The following MCU variants were observed in gnomAD, a reference collection of about 807,000 sequenced individuals.
MCU encodes the protein calcium uniporter protein, mitochondrial.
A neutral mutation model predicts 45.2 loss-of-function variants in MCU; 12 were observed. The ratio of observed to expected loss-of-function variants is 0.27; its 90% CI spans 0.17 to 0.43. The LOEUF is 0.43. Among genes scored for constraint, MCU ranks in the 20% least tolerant of loss-of-function variants. The pLI is 1.00. For missense variants in MCU, 324 were observed against 436.7 expected, an observed-to-expected ratio of 0.74 and a Z score of 2.30; for synonymous variants, 160 against 165.1, an observed-to-expected ratio of 0.97 and a Z score of 0.24.
At chr10:72,719,688 T>C (rs925492638) in intron 1 of MCU, among the ~76,000 whole-genome samples, 3 of 152,224 alleles carry the variant, frequency 2.0e-5, no homozygotes, top group Non-Finnish European at 4.4e-5. Flanking sequence ...ATTGTCACTT[T>C]TGGTTTTTCC....
At chr10:72,704,573 C>T (rs1371857971) in intron 1 of MCU, among the ~76,000 whole-genome samples, 3 of 151,910 alleles carry the variant, frequency 2.0e-5, no homozygotes, top group East Asian at 1.9e-4. Flanking sequence ...AGGTCTTCCT[C>T]TGTCACCCAG....
At chr10:72,734,888 A>G (rs1843230768) in intron 1 of MCU, among the ~76,000 whole-genome samples, 1 of 151,934 alleles carries the variant, frequency 6.6e-6, no homozygotes, top group South Asian at 2.1e-4. Context: ...AAGTATTGGC[A>G]TTACAGGTGT....
chr10:72,860,354 G>A, intron 3 of MCU, 69 bp from the exon 4 acceptor site: 1 of 1,317,270 alleles, frequency 7.6e-7, no homozygotes, highest in African/African-American at 1.5e-5. Flanking sequence ...CGATTTTGAA[G>A]ATTGAATTTT....
chr10:72,729,380 G>A (rs1252074173), intron 1 of MCU, among the ~76,000 whole-genome samples: 4 of 152,186 alleles, frequency 2.6e-5, no homozygotes, highest in Non-Finnish European at 5.9e-5. Flanking sequence ...TGAGGCAGGA[G>A]AATTACTTGA....
chr10:72,879,280 A>C (rs1210031654), intron 6 of MCU, among the ~76,000 whole-genome samples: 1 of 152,170 alleles, frequency 6.6e-6, no homozygotes, highest in Non-Finnish European at 1.5e-5. Context: ...TAAAATAAAA[A>C]AGGAAATTTC....
intron 1 of MCU, among the ~76,000 whole-genome samples, chr10:72,744,703 T>C (rs1199774213): frequency 6.6e-6 from 1 of 152,168 alleles, no homozygotes; most frequent in Non-Finnish European, 1.5e-5. Flanking sequence ...ACAGCACAGC[T>C]GGTAGTTATT....
At chr10:72,728,142 A>G (rs763673385) in intron 1 of MCU, among the ~76,000 whole-genome samples, 23 of 152,202 alleles carry the variant, frequency 1.5e-4, no homozygotes, top group Non-Finnish European at 2.8e-4. Flanking sequence ...AAGCTGATAT[A>G]ACTCTGAAAT....
chr10:72,871,222 A>G (rs1345756924), intron 5 of MCU, among the ~76,000 whole-genome samples, 155 bp from the exon 6 acceptor site: 2 of 152,174 alleles, frequency 1.3e-5, no homozygotes, highest in African/African-American at 2.4e-5. Context: ...TTCAGTGAAA[A>G]CTGCAGATAC....
At chr10:72,741,143 A>G (rs1589439597) in intron 1 of MCU, among the ~76,000 whole-genome samples, 1 of 137,228 alleles carries the variant, frequency 7.3e-6, no homozygotes, top group African/African-American at 2.8e-5. Context: ...TCTGTCCCCC[A>G]GCCTGGAGTG....
intron 1 of MCU, among the ~76,000 whole-genome samples, chr10:72,737,033 G>A (rs745525889): frequency 2.0e-5 from 3 of 152,222 alleles, no homozygotes; most frequent in Admixed American, 2.0e-4. Flanking sequence ...TTAGTGAAGC[G>A]TGTGGGGTAT....
rs918583957 is a variant in MCU, at chr10:72,710,458, C to A, written c.150+18157C>A. Among the ~76,000 whole-genome samples, 3 of 149,518 alleles carry A rather than the reference C, an allele frequency of 2.0e-5. No homozygotes were observed. The East Asian group carries it at 5.9e-4, about 30-fold the overall frequency. On this transcript the variant is annotated intron_variant, in intron 1 of 7. Transcript: ENST00000373053. ...CAGCCAGCATTAGACAGTCATAGCA[C>A]TAGTGGAAGAAAAGGCAGAAGGTAA...
chr10:72,867,097 A>G (rs950366050), intron 4 of MCU, among the ~76,000 whole-genome samples: 1 of 150,238 alleles, frequency 6.7e-6, no homozygotes, highest in Non-Finnish European at 1.5e-5. Context: ...ATTTTACTAT[A>G]TCAGCTCTTC....
chr10:72,765,786 CAAAAAAAAAA>C (rs36071651), intron 1 of MCU, among the ~76,000 whole-genome samples: 4 of 63,230 alleles, frequency 6.3e-5, no homozygotes, highest in South Asian at 6.5e-4. Context: ...GACGCTGTCT[CAAAAAAAAAA>C]AAAAAAAAAA....
chr10:72,766,069 T>C (rs1179485976), intron 1 of MCU, among the ~76,000 whole-genome samples: 1 of 152,128 alleles, frequency 6.6e-6, no homozygotes, highest in Admixed American at 6.6e-5. Context: ...GGGGTCTCAC[T>C]GTTTTGCGGG....
At chr10:72,711,275 C>T (rs1006040148) in intron 1 of MCU, among the ~76,000 whole-genome samples, 1 of 145,034 alleles carries the variant, frequency 6.9e-6, no homozygotes, top group Non-Finnish European at 1.5e-5. Context: ...GGCTGGAGTG[C>T]AGTGGTGCGA....
At chr10:72,774,366 G>GT (rs935473387) in intron 1 of MCU, among the ~76,000 whole-genome samples, 5 of 152,048 alleles carry the variant, frequency 3.3e-5, no homozygotes, top group African/African-American at 1.2e-4. Context: ...TCTGTAAGAT[G>GT]TTTTTTGTAA....
intron 1 of MCU, among the ~76,000 whole-genome samples, chr10:72,736,828 A>G (rs536420182): frequency 6.6e-6 from 1 of 152,318 alleles, no homozygotes; most frequent in Admixed American, 6.5e-5. Flanking sequence ...AGCAGTCTAA[A>G]TGGTGGACAA....
intron 2 of MCU, among the ~76,000 whole-genome samples, chr10:72,840,425 G>A (rs1395272464): frequency 6.6e-6 from 1 of 152,118 alleles, no homozygotes; most frequent in Non-Finnish European, 1.5e-5. Flanking sequence ...ATATAGTCTA[G>A]AGTTTTTCTT....
chr10:72,855,065 A>G (rs940741877), intron 2 of MCU, among the ~76,000 whole-genome samples: 3 of 151,948 alleles, frequency 2.0e-5, no homozygotes, highest in African/African-American at 7.3e-5. Flanking sequence ...AACATAGTGA[A>G]ACCCTGTCTC....
Sources: allele counts gnomAD v4.1 joint callset (sites outside exome capture counted in the v4.1 genomes callset), GRCh38; gene constraint gnomAD v4.1.1; transcripts MANE v1.5; gene names NCBI Gene and HGNC (gene_info 2026-07-23, HGNC 2026-07-21).